H1-0: variants seen among roughly 807,000 people sequenced by gnomAD.
H1-0 encodes the protein H1.0 linker histone.
H1-0 carries 5 observed loss-of-function variants against 8.8 expected under a neutral mutation model. The ratio of observed to expected loss-of-function variants is 0.57; its 90% CI spans 0.30 to 1.19. H1-0 has a LOEUF of 1.19. H1-0 is among the 50% of genes most tolerant of loss of function. H1-0 has a pLI of 0.08. For synonymous variants in H1-0, 143 were observed against 101.4 expected, an observed-to-expected ratio of 1.41 and a Z score of -2.46; for missense variants, 231 against 242.0, an observed-to-expected ratio of 0.95 and a Z score of 0.30.
chr22:37,806,291 A>G lies in H1-0; in HGVS notation c.*162A>G. The G allele has an allele frequency of 4.7e-6, 3 of 635,714 alleles. No individual in the cohort carries two copies. In the South Asian group the frequency reaches 6.3e-5, roughly 13 times the overall value. The allele number at this position is 635,714 out of a possible 1,614,324, so 39.4% of individuals were successfully genotyped here. Reference sequence around the variant, plus strand: ...TTCTTCAGAAATTACAGAATAATTCATTTTTCCTTAACCAGTTGTGCAAGG... The same window carrying G: ...TTCTTCAGAAATTACAGAATAATTCGTTTTTCCTTAACCAGTTGTGCAAGG... On this transcript the variant is annotated 3_prime_UTR_variant, in exon 1 of 1. Coordinates refer to ENST00000340857, the MANE Select transcript of H1-0 (RefSeq NM_005318.4).
rs1013726781 is a variant in H1-0 at position 37,807,089 on chromosome 22, G to A, written c.*960G>A. 3.6e-5 allele frequency: 6 copies of A among 166,530 alleles called. No individual in the cohort carries two copies. The highest frequency in any genetic ancestry group is 1.5e-4 in the African/African-American group (6 of 41,280). The allele number at this position is 166,530 out of a possible 1,614,324, so 10.3% of individuals were successfully genotyped here. ...TCTCTTTTTGAGTCCTTTATTATAA[G>A]TAGTTGTAGCTGCGGGAGGGGGAGG... On this transcript the variant is annotated 3_prime_UTR_variant, in exon 1 of 1. Coordinates refer to ENST00000340857, the MANE Select transcript of H1-0 (RefSeq NM_005318.4).
chr22:37,805,609 C>T lies in H1-0; in HGVS notation c.65C>T (p.Ser22Phe), dbSNP rs1464624105. 2 of 1,614,008 alleles carry T rather than the reference C, an allele frequency of 1.2e-6. No individual in the cohort carries two copies. Among genetic ancestry groups the T allele is most frequent in the African/African-American group, 1.3e-5 (1 of 74,926 alleles). ...KPKRAKASKK[S>F]TDHPKYSDMI... ...AAGCGGGCCAAGGCCTCCAAGAAGT[C>T]CACAGACCACCCCAAGTATTCAGAC... is the stretch of plus-strand genomic sequence containing the variant. The change falls in exon 1 of 1, where the codon TCC becomes TTC. Residue 22 changes from serine to phenylalanine, a missense_variant. By Grantham distance (155) the Ser-to-Phe change is radical. Transcript: ENST00000340857.
At position 37,805,681 on chromosome 22, in the gene H1-0, C is replaced by T; in HGVS notation, c.137C>T (p.Ser46Leu). The change falls in exon 1 of 1, where the codon TCG becomes TTG. Residue 46 changes from serine (S) to leucine (L), a missense_variant. Physicochemically the swap from Ser to Leu is moderately radical, Grantham distance 145. Transcript: ENST00000340857. ...IQAEKNRAGS[S>L]RQSIQKYIKS... ...GCCGAGAAGAACCGCGCTGGCTCCT[C>T]GCGCCAGTCCATTCAGAAGTATATC... 1 of 1,614,068 alleles carries T rather than the reference C, an allele frequency of 6.2e-7. No homozygotes were observed. The highest frequency in any genetic ancestry group is 8.5e-7 in the Non-Finnish European group (1 of 1,179,944).
At position 37,806,798 on chromosome 22, in the gene H1-0, G is replaced by C. The variant is rs1221955044; in HGVS notation, c.*669G>C. The C allele has an allele frequency of 6.0e-6, 1 of 167,136 alleles. No individual in the cohort carries two copies. Among genetic ancestry groups the C allele is most frequent in the Non-Finnish European group, 1.5e-5 (1 of 68,198 alleles). The allele number at this position is 167,136 out of a possible 1,614,324, so 10.4% of individuals were successfully genotyped here. The stretch of plus-strand genomic sequence containing the variant: ...TGACAGCTGGATGGGAGAAGCCATA[G>C]TTTCTCCCAGTCAGCTAGGATGTAG... On this transcript the variant is annotated 3_prime_UTR_variant, in exon 1 of 1. Coordinates refer to ENST00000340857, the MANE Select transcript of H1-0 (RefSeq NM_005318.4).
In H1-0 at chr22:37,805,573, C is replaced by T; in HGVS notation, c.29C>T (p.Ala10Val). 6 of 1,612,490 alleles carry T rather than the reference C, an allele frequency of 3.7e-6. No individual in the cohort carries two copies. Among genetic ancestry groups the T allele is most frequent in the Admixed American group, 1.7e-5 (1 of 59,698 alleles). Reference protein sequence around the residue: MTENSTSAPAAKPKRAKASK... With the variant: MTENSTSAPVAKPKRAKASK... ...ACCGAGAATTCCACGTCCGCCCCTGCGGCCAAGCCCAAGCGGGCCAAGGCC... is the reference window on the plus strand; with the variant it reads ...ACCGAGAATTCCACGTCCGCCCCTGTGGCCAAGCCCAAGCGGGCCAAGGCC... The change falls in exon 1 of 1, where the codon GCG becomes GTG. Residue 10 changes from alanine (A) to valine (V), a missense_variant. Transcript: ENST00000340857.
Position 37,805,453 on chromosome 22 carries a change from C to G in H1-0, c.-92C>G. On this transcript the variant is annotated 5_prime_UTR_variant, in exon 1 of 1. Transcript: ENST00000340857. The stretch of plus-strand genomic sequence containing the variant: ...CAGACTGGCCCGGTAGTCAGGGGCT[C>G]AGGAGCAGATCCCGAGGCAGGCTTT... 2 of 917,102 alleles carry G rather than the reference C, an allele frequency of 2.2e-6. No homozygotes were observed. The highest frequency in any genetic ancestry group is 3.2e-5 in the South Asian group (2 of 61,882). The allele number at this position is 917,102 out of a possible 1,614,324, so 56.8% of individuals were successfully genotyped here.
Position 37,806,069 on chromosome 22 carries a change from G to A in H1-0, c.525G>A (p.Lys175=), listed in dbSNP as rs1920988555. ...CGGTCAAGGCATCCAAGCCCAAAAA[G>A]GCCAAACCAGTGAAACCCAAAGCAA... ...AKPVKASKPK[K]AKPVKPKAKS... is the part of the protein sequence containing the mutation. Residue 175 remains lysine, a synonymous_variant, in exon 1 of 1, where the codon AAG becomes AAA. Coordinates refer to ENST00000340857, the MANE Select transcript of H1-0 (RefSeq NM_005318.4). 2.5e-6 allele frequency: 4 copies of A among 1,614,076 alleles called. No individual in the cohort carries two copies. In the East Asian group the frequency reaches 8.9e-5, roughly 36 times the overall value.
rs1569075255 is a variant in H1-0, at chr22:37,805,403, G to A, written c.-142G>A. 1.2e-5 allele frequency: 7 copies of A among 608,362 alleles called. No individual in the cohort carries two copies. Among genetic ancestry groups the A allele is most frequent in the African/African-American group, 1.9e-5 (1 of 53,168 alleles). The allele number at this position is 608,362 out of a possible 1,614,324, so 37.7% of individuals were successfully genotyped here. On this transcript the variant is annotated 5_prime_UTR_variant, in exon 1 of 1. Transcript: ENST00000340857. ...CGGGGAGGAAAAGCAGCGACTCCTCGCTCGCATCCCCGGGAGCCGCACTCC... is the reference window on the plus strand; with the variant it reads ...CGGGGAGGAAAAGCAGCGACTCCTCACTCGCATCCCCGGGAGCCGCACTCC...
At position 37,806,189 on chromosome 22, in the gene H1-0, C is replaced by A. The variant is rs1431947170; in HGVS notation, c.*60C>A. On this transcript the variant is annotated 3_prime_UTR_variant, in exon 1 of 1. Transcript: ENST00000340857. Reference sequence around the variant, plus strand: ...TCTCCTATTTTCTGTAAATAATTTTCTCCTTTTTTCTCTCTTGATGCTCAC... The same window carrying A: ...TCTCCTATTTTCTGTAAATAATTTTATCCTTTTTTCTCTCTTGATGCTCAC... 1 of 1,315,620 alleles carries A rather than the reference C, an allele frequency of 7.6e-7. No individual in the cohort carries two copies. The highest frequency in any genetic ancestry group is 1.5e-5 in the African/African-American group (1 of 66,958). 81.5% of individuals were successfully genotyped at this position (1,315,620 alleles called of 1,614,324 possible).
Position 37,806,076 on chromosome 22 carries a change from C to G in H1-0, c.532C>G (p.Pro178Ala), listed in dbSNP as rs758535749. 5 of 1,614,016 alleles carry G rather than the reference C, an allele frequency of 3.1e-6. No individual in the cohort carries two copies. Among genetic ancestry groups the G allele is most frequent in the Non-Finnish European group, 4.2e-6 (5 of 1,179,986 alleles). Reference protein sequence around the residue: ...VKASKPKKAKPVKPKAKSSAK... With the variant: ...VKASKPKKAKAVKPKAKSSAK... ...GGCATCCAAGCCCAAAAAGGCCAAA[C>G]CAGTGAAACCCAAAGCAAAGTCCAG... Residue 178 changes from proline to alanine, a missense_variant, in exon 1 of 1, where the codon CCA (proline) becomes GCA (alanine). By Grantham distance (27) the Pro-to-Ala change is conservative. Coordinates refer to ENST00000340857, the MANE Select transcript of H1-0 (RefSeq NM_005318.4).
Position 37,806,113 on chromosome 22 carries a change from C to T in H1-0, c.569C>T (p.Ala190Val). Residue 190 changes from alanine to valine, a missense_variant, in exon 1 of 1, where the codon GCC becomes GTC. Physicochemically the swap from Ala to Val is moderately conservative, Grantham distance 64. Transcript: ENST00000340857. ...AAAGCAAAGTCCAGTGCCAAGAGGG[C>T]CGGCAAGAAGAAGTGACAATGAAGT... ...KPKAKSSAKR[A>V]GKKK is the part of the protein sequence containing the mutation. 3 of 1,607,734 alleles carry T rather than the reference C, an allele frequency of 1.9e-6. No homozygotes were observed. The South Asian group carries it at 3.3e-5, about 18-fold the overall frequency.
Position 37,807,014 on chromosome 22 carries a change from AGGTG to A in H1-0, c.*886_*889del, listed in dbSNP as rs1286106878. The A allele has an allele frequency of 2.4e-5, 4 of 165,962 alleles. No homozygotes were observed. The highest frequency in any genetic ancestry group is 9.7e-5 in the African/African-American group (4 of 41,076). 10.3% of individuals were successfully genotyped at this position (165,962 alleles called of 1,614,324 possible). A position where few individuals can be genotyped will look rare whatever the true frequency, so the allele number is the denominator to read the frequency against. ...TGGATTTTTGTTCCTCCTGTACAAG[AGGTG>A]TCTTTGCTTGGTTTGGTGGGGCTGC... On this transcript the variant is annotated 3_prime_UTR_variant, in exon 1 of 1. Coordinates refer to ENST00000340857, the MANE Select transcript of H1-0 (RefSeq NM_005318.4).
chr22:37,805,398 T>G lies in H1-0; in HGVS notation c.-147T>G. On this transcript the variant is annotated 5_prime_UTR_variant, in exon 1 of 1. Transcript: ENST00000340857. Reference sequence around the variant, plus strand: ...CGAGCCGGGGAGGAAAAGCAGCGACTCCTCGCTCGCATCCCCGGGAGCCGC... The same window carrying G: ...CGAGCCGGGGAGGAAAAGCAGCGACGCCTCGCTCGCATCCCCGGGAGCCGC... 1 of 596,886 alleles carries G rather than the reference T, an allele frequency of 1.7e-6. No individual in the cohort carries two copies. The highest frequency in any genetic ancestry group is 2.1e-5 in the South Asian group (1 of 47,202). The allele number at this position is 596,886 out of a possible 1,614,324, so 37.0% of individuals were successfully genotyped here. A position where few individuals can be genotyped will look rare whatever the true frequency, so the allele number is the denominator to read the frequency against.
At position 37,806,399 on chromosome 22, in the gene H1-0, G is replaced by C; in HGVS notation, c.*270G>C. 1 of 441,102 alleles carries C rather than the reference G, an allele frequency of 2.3e-6. No homozygotes were observed. Among genetic ancestry groups the C allele is most frequent in the Non-Finnish European group, 4.2e-6 (1 of 238,352 alleles). The allele number at this position is 441,102 out of a possible 1,614,324, so 27.3% of individuals were successfully genotyped here. On this transcript the variant is annotated 3_prime_UTR_variant, in exon 1 of 1. Coordinates refer to ENST00000340857, the MANE Select transcript of H1-0 (RefSeq NM_005318.4). Reference sequence around the variant, plus strand: ...TACTTACGGGGTTAGGGATTTGCGGGGGGGGCTTGTGTGTTTTGTTGGCTT... The same window carrying C: ...TACTTACGGGGTTAGGGATTTGCGGCGGGGGCTTGTGTGTTTTGTTGGCTT...
rs1003914493 is a variant in H1-0, at chr22:37,805,419, G to T, written c.-126G>T. On this transcript the variant is annotated 5_prime_UTR_variant, in exon 1 of 1. Coordinates refer to ENST00000340857, the MANE Select transcript of H1-0 (RefSeq NM_005318.4). ...CGACTCCTCGCTCGCATCCCCGGGA[G>T]CCGCACTCCAGACTGGCCCGGTAGT... is the stretch of plus-strand genomic sequence containing the variant. 1.5e-6 allele frequency: 1 copy of T among 654,008 alleles called. No homozygotes were observed. The highest frequency in any genetic ancestry group is 2.6e-6 in the Non-Finnish European group (1 of 385,438). The allele number at this position is 654,008 out of a possible 1,614,324, so 40.5% of individuals were successfully genotyped here. A position where few individuals can be genotyped will look rare whatever the true frequency, so the allele number is the denominator to read the frequency against.
In H1-0 at chr22:37,805,455, G is replaced by A; in HGVS notation, c.-90G>A. On this transcript the variant is annotated 5_prime_UTR_variant, in exon 1 of 1. Coordinates refer to ENST00000340857, the MANE Select transcript of H1-0 (RefSeq NM_005318.4). ...GACTGGCCCGGTAGTCAGGGGCTCAGGAGCAGATCCCGAGGCAGGCTTTGC... is the reference window on the plus strand; with the variant it reads ...GACTGGCCCGGTAGTCAGGGGCTCAAGAGCAGATCCCGAGGCAGGCTTTGC... The A allele has an allele frequency of 3.2e-6, 3 of 941,052 alleles. No individual in the cohort carries two copies. The highest frequency in any genetic ancestry group is 4.9e-6 in the Non-Finnish European group (3 of 618,432). 58.3% of individuals were successfully genotyped at this position (941,052 alleles called of 1,614,324 possible). A position where few individuals can be genotyped will look rare whatever the true frequency, so the allele number is the denominator to read the frequency against.
chr22:37,805,568 C>T lies in H1-0; in HGVS notation c.24C>T (p.Ala8=), dbSNP rs377253437. The T allele has an allele frequency of 1.5e-4, 241 of 1,612,850 alleles. 3 individuals carry two copies. In the South Asian group the frequency reaches 2.6e-3, roughly 17 times the overall value. ...CCATGACCGAGAATTCCACGTCCGC[C>T]CCTGCGGCCAAGCCCAAGCGGGCCA... MTENSTS[A]PAAKPKRAKA... Residue 8 remains alanine (A), a synonymous_variant, in exon 1 of 1, where the codon GCC becomes GCT. Transcript: ENST00000340857.
In H1-0 at chr22:37,806,204, T is replaced by C; in HGVS notation, c.*75T>C. The C allele has an allele frequency of 2.6e-6, 3 of 1,160,392 alleles. No homozygotes were observed. Among genetic ancestry groups the C allele is most frequent in the Non-Finnish European group, 3.6e-6 (3 of 823,118 alleles). 71.9% of individuals were successfully genotyped at this position (1,160,392 alleles called of 1,614,324 possible). ...AAATAATTTTCTCCTTTTTTCTCTCTTGATGCTCACCACCACCTTTTGCCC... is the reference window on the plus strand; with the variant it reads ...AAATAATTTTCTCCTTTTTTCTCTCCTGATGCTCACCACCACCTTTTGCCC... On this transcript the variant is annotated 3_prime_UTR_variant, in exon 1 of 1. Coordinates refer to ENST00000340857, the MANE Select transcript of H1-0 (RefSeq NM_005318.4).
Position 37,807,331 on chromosome 22 carries a change from T to TCCCCCCCCCCCCCCCC in H1-0, c.*1211_*1212insCCCCCCCCCCCCCCCC, listed in dbSNP as rs56665907. ...AATAGAAAAATCGCGCACTTGCGCGTCCCCCCCCCACCCCCTTTTTTAAAC... is the reference window on the plus strand; with the variant it reads ...AATAGAAAAATCGCGCACTTGCGCGTCCCCCCCCCCCCCCCCCCCCCCCCCACCCCCTTTTTTAAAC... On this transcript the variant is annotated 3_prime_UTR_variant, in exon 1 of 1. Transcript: ENST00000340857. 2.0e-5 allele frequency: 3 copies of TCCCCCCCCCCCCCCCC among 151,428 alleles called. No individual in the cohort carries two copies. Among genetic ancestry groups the TCCCCCCCCCCCCCCCC allele is most frequent in the Non-Finnish European group, 3.1e-5 (2 of 64,406 alleles). 9.4% of individuals were successfully genotyped at this position (151,428 alleles called of 1,614,324 possible).
Sources: allele counts gnomAD v4.1 joint callset, GRCh38; gene constraint gnomAD v4.1.1; transcripts MANE v1.5; gene names NCBI Gene and HGNC (gene_info 2026-07-23, HGNC 2026-07-21).